The following ELFN1 variants were observed in gnomAD, a reference collection of about 807,000 sequenced individuals.
ELFN1 encodes extracellular leucine rich repeat and fibronectin type III domain containing 1, also known as protein ELFN1.
A neutral mutation model predicts 7.6 loss-of-function variants in ELFN1; 6 were observed. The ratio of observed to expected loss-of-function variants is 0.79; its 90% CI spans 0.43 to 1.56. The LOEUF is 1.56. Among genes scored for constraint, ELFN1 ranks in the 40% most tolerant of loss-of-function variants. The pLI is 0.01. For synonymous variants in ELFN1, 657 were observed against 588.1 expected (o/e 1.12, Z -1.70); for missense variants, 1,169 against 1,232.2 (o/e 0.95, Z 0.77).
intron 3 of ELFN1, among the ~76,000 whole-genome samples, chr7:1,741,439 G>A (rs1466314603): frequency 6.6e-6 from 1 of 152,206 alleles, no homozygotes; most frequent in East Asian, 1.9e-4. Flanking sequence ...GGCTGGGGAC[G>A]GCCTGCCTCC....
chr7:1,668,520 T>C (rs1323980791), upstream of ELFN1, among the ~76,000 whole-genome samples: 6 of 152,238 alleles, frequency 3.9e-5, no homozygotes, highest in Non-Finnish European at 7.3e-5. Context: ...GGTCATCTTC[T>C]GCACAAGGCT....
intron 3 of ELFN1, among the ~76,000 whole-genome samples, chr7:1,720,251 C>T (rs561376282): frequency 6.6e-6 from 1 of 152,376 alleles, no homozygotes; most frequent in South Asian, 2.1e-4. Context: ...TCCACGGCCT[C>T]TGCCCTTACT....
intron 3 of ELFN1, among the ~76,000 whole-genome samples, chr7:1,732,428 T>C (rs1245024587): frequency 1.3e-5 from 2 of 151,002 alleles, no homozygotes; most frequent in Non-Finnish European, 3.0e-5. Context: ...TTGCAGGGGG[T>C]AGGAGGAGAG....
At chr7:1,677,014 C>G (rs1001594948) in intron 1 of ELFN1, among the ~76,000 whole-genome samples, 1 of 152,146 alleles carries the variant, frequency 6.6e-6, no homozygotes, top group African/African-American at 2.4e-5. Context: ...GAGGGTAGCC[C>G]GTACTGGGTG....
chr7:1,681,222 G>A (rs117774410), intron 1 of ELFN1, among the ~76,000 whole-genome samples: 3,784 of 152,278 alleles, frequency 0.025, 70 homozygotes, highest in Non-Finnish European at 0.04. Context: ...TTGCTAGACC[G>A]TTTTACTTAT....
At chr7:1,714,272 G>T (rs1329422048) in intron 3 of ELFN1, among the ~76,000 whole-genome samples, 2 of 152,038 alleles carry the variant, frequency 1.3e-5, no homozygotes, top group Non-Finnish European at 2.9e-5. Flanking sequence ...CCCCCAGCAT[G>T]CGGAGGGGCC....
chr7:1,725,602 G>C (rs776383066), intron 3 of ELFN1, among the ~76,000 whole-genome samples: 1 of 152,198 alleles, frequency 6.6e-6, no homozygotes, highest in Non-Finnish European at 1.5e-5. Flanking sequence ...CAGTGTTGTC[G>C]GCTTCACCGA....
At chr7:1,675,933 C>G (rs951643767) in intron 1 of ELFN1, among the ~76,000 whole-genome samples, 5 of 152,198 alleles carry the variant, frequency 3.3e-5, no homozygotes, top group African/African-American at 1.2e-4. Context: ...CCTAGAAGCC[C>G]AAGGGGCTGG....
At chr7:1,718,480 G>A (rs1393996980) in intron 3 of ELFN1, among the ~76,000 whole-genome samples, 4 of 152,150 alleles carry the variant, frequency 2.6e-5, no homozygotes, top group South Asian at 2.1e-4. Context: ...GGTCCTGGCC[G>A]AAAGCCTTTC....
In ELFN1 at chr7:1,673,496, C is replaced by G. The variant is rs1427269846; in HGVS notation, c.-549+3142C>G. 6.6e-6 allele frequency among the ~76,000 whole-genome samples: 1 copy of G among 152,146 alleles called. No homozygotes were observed. Among genetic ancestry groups the G allele is most frequent in the Non-Finnish European group, 1.5e-5 (1 of 68,022 alleles). ...CCCAGCACCGTGCCCCCCCTCCCCGCCCCCTGCCCCGGATGTCCCTTTCCC... is the reference window on the plus strand; with the variant it reads ...CCCAGCACCGTGCCCCCCCTCCCCGGCCCCTGCCCCGGATGTCCCTTTCCC... On this transcript the variant is annotated intron_variant, in intron 1 of 3. Transcript: ENST00000424383. The surrounding 1 kb of genome is among the most constrained non-coding windows in gnomAD (Gnocchi z 4.7).
At chr7:1,684,070 A>C (rs944590635) in intron 1 of ELFN1, among the ~76,000 whole-genome samples, 8 of 152,100 alleles carry the variant, frequency 5.3e-5, no homozygotes, top group African/African-American at 1.9e-4. Flanking sequence ...GGGTCACTTG[A>C]GTGTGGGAGG....
chr7:1,702,894 T>C lies in ELFN1; in HGVS notation c.-455-6197T>C, dbSNP rs1156952533. On this transcript the variant is annotated intron_variant, in intron 2 of 3. Transcript: ENST00000424383. ...GGCAGCAAGTATCCTTGTGTTGCTC[T>C]TGATTGCAAAAAGTTTTAGCTGCAC... 2.0e-5 allele frequency among the ~76,000 whole-genome samples: 3 copies of C among 150,648 alleles called. No individual in the cohort carries two copies. In the East Asian group the frequency reaches 5.8e-4, roughly 29 times the overall value.
In ELFN1 at chr7:1,744,967, C is replaced by T. The variant is rs1448420227; in HGVS notation, c.371C>T (p.Thr124Met). 5 of 1,551,166 alleles carry T rather than the reference C, an allele frequency of 3.2e-6. No individual in the cohort carries two copies. Among genetic ancestry groups the T allele is most frequent in the Admixed American group, 3.9e-5 (2 of 51,002 alleles). Residue 124 changes from threonine (T) to methionine (M), a missense_variant, in exon 4 of 4, where the codon ACG becomes ATG. By Grantham distance (81) the Thr-to-Met change is moderately conservative. Coordinates refer to ENST00000424383, the MANE Select transcript of ELFN1 (RefSeq NM_001128636.4). ...GGCTACAACCGGCTGCGCAACCTCACGGAGGGCATGCTGCGCGGCCTGGGC... is the reference window on the plus strand; with the variant it reads ...GGCTACAACCGGCTGCGCAACCTCATGGAGGGCATGCTGCGCGGCCTGGGC... ...QLGYNRLRNLTEGMLRGLGKL... is the reference protein window; with the variant it reads ...QLGYNRLRNLMEGMLRGLGKL...
At chr7:1,702,822 T>C (rs1017591917) in intron 2 of ELFN1, among the ~76,000 whole-genome samples, 4 of 151,410 alleles carry the variant, frequency 2.6e-5, no homozygotes, top group African/African-American at 9.8e-5. Context: ...TTTTCTTGCC[T>C]TATTGCAATG....
intron 2 of ELFN1, among the ~76,000 whole-genome samples, chr7:1,708,094 TGCACCCCACCA>T (rs1370355163): frequency 1.3e-5 from 2 of 152,136 alleles, no homozygotes; most frequent in East Asian, 3.9e-4. Flanking sequence ...CTCTGGTCCC[TGCACCCCACCA>T]GCACCCCACA....
chr7:1,734,622 C>G (rs1583390852), intron 3 of ELFN1, among the ~76,000 whole-genome samples: 1 of 152,294 alleles, frequency 6.6e-6, no homozygotes, highest in East Asian at 1.9e-4. Context: ...GAGGGTCTGT[C>G]TCACCCAGCC....
At position 1,695,402 on chromosome 7, in the gene ELFN1, C is replaced by G. The variant is rs965039507; in HGVS notation, c.-456+7252C>G. Reference sequence around the variant, plus strand: ...CATTGGCACAAGCCTGGGCGAGTCTCGCTGGGAGGCAGGAGCAGACTCAGC... The same window carrying G: ...CATTGGCACAAGCCTGGGCGAGTCTGGCTGGGAGGCAGGAGCAGACTCAGC... On this transcript the variant is annotated intron_variant, in intron 2 of 3. Coordinates refer to ENST00000424383, the MANE Select transcript of ELFN1 (RefSeq NM_001128636.4). The surrounding 1 kb of genome is among the most constrained non-coding windows in gnomAD (Gnocchi z 5.1). Among the ~76,000 whole-genome samples, 1 of 152,144 alleles carries G rather than the reference C, an allele frequency of 6.6e-6. No homozygotes were observed. The highest frequency in any genetic ancestry group is 1.5e-5 in the Non-Finnish European group (1 of 68,024).
upstream of ELFN1, among the ~76,000 whole-genome samples, chr7:1,670,022 C>G (rs1389806062): frequency 4.0e-5 from 6 of 151,112 alleles, no homozygotes; most frequent in African/African-American, 9.7e-5. The surrounding 1 kb of genome is among the most constrained non-coding windows in gnomAD (Gnocchi z 6.4). Flanking sequence ...CGCGGGGAGC[C>G]GAGGAGAGCA....
At chr7:1,690,492 A>G (rs551173983) in intron 2 of ELFN1, among the ~76,000 whole-genome samples, 2 of 149,030 alleles carry the variant, frequency 1.3e-5, no homozygotes, top group East Asian at 2.1e-4. Flanking sequence ...GGGTGGGTAG[A>G]TAAGTGGATG....
Sources: gnomAD v4.1 joint callset for allele counts (sites outside exome capture counted in the v4.1 genomes callset) on GRCh38, gnomAD v4.1.1 for gene constraint, Gnocchi (gnomAD v3.1) non-coding constraint, MANE v1.5 for transcripts, NCBI Gene and HGNC (gene_info 2026-07-23, HGNC 2026-07-21) for gene names.